ENPP2: variants seen among roughly 807,000 people sequenced by gnomAD.
ENPP2 encodes the protein autotaxin.
Under a neutral mutation model 120.2 loss-of-function variants are expected in ENPP2, and 51 were observed. The ratio of observed to expected loss-of-function variants is 0.42; its 90% CI spans 0.34 to 0.54. The LOEUF (loss-of-function observed/expected upper bound fraction) is 0.54. Among genes scored for constraint, ENPP2 ranks in the 20% least tolerant of loss-of-function variants. The probability of loss-of-function intolerance (pLI) is 0.04; values close to 1 mark genes in which losing one functional copy is unlikely to be tolerated. For missense variants in ENPP2, 920 were observed against 1,066.5 expected, an observed-to-expected ratio of 0.86 and a Z score of 1.91; for synonymous variants, 365 against 366.4, an observed-to-expected ratio of 1.00 and a Z score of 0.04.
intron 1 of ENPP2, among the ~76,000 whole-genome samples, chr8:119,659,152 A>C (rs1817847348): frequency 6.6e-6 from 1 of 151,362 alleles, no homozygotes; most frequent in African/African-American, 2.4e-5. Flanking sequence ...CCATCTCTAC[A>C]AAAAAAACAC....
chr8:119,664,611 T>A (rs1208477316), intron 1 of ENPP2, among the ~76,000 whole-genome samples: 3 of 152,174 alleles, frequency 2.0e-5, no homozygotes, highest in Admixed American at 2.0e-4. Context: ...TGTGGGTTAG[T>A]TAACTCCATA....
intron 2 of ENPP2, among the ~76,000 whole-genome samples, chr8:119,628,188 C>G (rs1481233821): frequency 6.6e-6 from 1 of 151,910 alleles, no homozygotes; most frequent in Admixed American, 6.6e-5. Flanking sequence ...GGATGGGAGC[C>G]AATCAGTAAG....
intron 2 of ENPP2, among the ~76,000 whole-genome samples, chr8:119,634,211 C>CATAT (rs1816861878): frequency 6.6e-6 from 1 of 151,584 alleles, no homozygotes; most frequent in East Asian, 1.9e-4. Context: ...TACATACATA[C>CATAT]ATACATACAT....
In ENPP2 at chr8:119,586,286, G is replaced by C. The variant is rs200238911; in HGVS notation, c.1267C>G (p.Pro423Ala). The C allele has an allele frequency of 3.8e-5, 62 of 1,613,876 alleles. No homozygotes were observed. The African/African-American group carries it at 6.5e-4, about 17-fold the overall frequency. ...TCKKPDQHFKPYLKQHLPKRL... is the reference protein window; with the variant it reads ...TCKKPDQHFKAYLKQHLPKRL... ...TTGGGAAGGTGCTGTTTCAAGTAAG[G>C]CTTAAAGTGCTGATCTGGTTTTTTA... The change falls in exon 15 of 25, where the codon CCT (proline) becomes GCT (alanine). Residue 423 changes from proline (P) to alanine (A), a missense_variant. Transcript: ENST00000075322.
chr8:119,595,898 T>C (rs756298437), intron 11 of ENPP2: 1 of 1,614,114 alleles, frequency 6.2e-7, no homozygotes, highest in Non-Finnish European at 8.5e-7. Context: ...GTATTTTTCT[T>C]CTTCTTTTCT....
chr8:119,642,817 T>G (rs1164475174), upstream of ENPP2, among the ~76,000 whole-genome samples: 1 of 152,190 alleles, frequency 6.6e-6, no homozygotes, highest in Admixed American at 6.5e-5. Context: ...TTCATGAAAT[T>G]ATTCTATGCG....
rs367992382 is a variant in ENPP2, at chr8:119,601,450, G to A, written c.846C>T (p.His282=). 1.6e-5 allele frequency: 25 copies of A among 1,612,610 alleles called. No individual in the cohort carries two copies. Among genetic ancestry groups the A allele is most frequent in the Middle Eastern group, 1.6e-4 (1 of 6,078 alleles). ...GCAATATGGTTAATATTCTCCGCTC[G>A]TGAGGGATGACACTGGAGGGTAAAA... ...GTFFWSVVIP[H]ERRILTILQW... Residue 282 remains histidine, a synonymous_variant, in exon 10 of 25, where the codon CAC becomes CAT. Coordinates refer to ENST00000075322, the MANE Select transcript of ENPP2 (RefSeq NM_001040092.3).
intron 12 of ENPP2, chr8:119,592,940 T>C: frequency 1.0e-6 from 1 of 967,628 alleles, no homozygotes; most frequent in Non-Finnish European, 1.2e-6. Context: ...TTAACAGAAC[T>C]GCCAAAGAGT....
chr8:119,607,126 T>G (rs1314633728), intron 9 of ENPP2, among the ~76,000 whole-genome samples: 1 of 152,320 alleles, frequency 6.6e-6, no homozygotes, highest in East Asian at 1.9e-4. Flanking sequence ...CTTGGTCTCC[T>G]GTCTGGAACT....
Position 119,601,411 on chromosome 8 carries a change from C to G in ENPP2, c.885G>C (p.Leu295=). The change falls in exon 10 of 25, where the codon CTG becomes CTC. Residue 295 remains leucine, a synonymous_variant. Coordinates refer to ENST00000075322, the MANE Select transcript of ENPP2 (RefSeq NM_001040092.3). ...GAAATAAATACCTCTCATGATCTGG[C>G]AGGGTGAGCCACTGCAATATGGTTA... ...RILTILQWLT[L]PDHERPSVYA... 6.2e-7 allele frequency: 1 copy of G among 1,606,610 alleles called. No individual in the cohort carries two copies. The highest frequency in any genetic ancestry group is 8.5e-7 in the Non-Finnish European group (1 of 1,173,288).
chr8:119,655,900 G>T (rs1817755065), intron 1 of ENPP2, among the ~76,000 whole-genome samples: 1 of 152,188 alleles, frequency 6.6e-6, no homozygotes. Flanking sequence ...ACTATTAAAA[G>T]AAACTCCTCC....
intron 2 of ENPP2, 116 bp from the exon 3 acceptor site, chr8:119,626,836 G>T: frequency 1.1e-6 from 1 of 913,698 alleles, no homozygotes; most frequent in Non-Finnish European, 1.7e-6. Context: ...GGAGAACACT[G>T]GCTCCATTAC....
chr8:119,579,811 C>G (rs1812602683), intron 19 of ENPP2, among the ~76,000 whole-genome samples: 1 of 152,002 alleles, frequency 6.6e-6, no homozygotes, highest in South Asian at 2.1e-4. Flanking sequence ...ACTATCATTC[C>G]CTTTATAGGA....
chr8:119,665,721 T>C (rs1818049352), intron 1 of ENPP2, among the ~76,000 whole-genome samples: 1 of 152,208 alleles, frequency 6.6e-6, no homozygotes, highest in South Asian at 2.1e-4. Context: ...AAATCTCATA[T>C]GTAATTGATA....
At chr8:119,596,301 T>A (rs1169934870) in intron 11 of ENPP2, among the ~76,000 whole-genome samples, 2 of 152,216 alleles carry the variant, frequency 1.3e-5, no homozygotes, top group African/African-American at 4.8e-5. Context: ...GAAGGTGGCA[T>A]TAGACAAGCT....
At chr8:119,572,306 G>C (rs1366893318) in intron 19 of ENPP2, 12 of 1,285,802 alleles carry the variant, frequency 9.3e-6, no homozygotes, top group Middle Eastern at 1.8e-4. Context: ...CATCATTTAA[G>C]TTTTCATGGT....
At chr8:119,654,617 T>C (rs891164216) in intron 1 of ENPP2, among the ~76,000 whole-genome samples, 1 of 151,640 alleles carries the variant, frequency 6.6e-6, no homozygotes, top group Non-Finnish European at 1.5e-5. Context: ...AGTGCTGGAA[T>C]AACAGGCATG....
rs574663056 is a variant in ENPP2, at chr8:119,567,395, C to T, written c.2131+780G>A. 1.5e-3 allele frequency among the ~76,000 whole-genome samples: 232 copies of T among 152,254 alleles called. 2 individuals are homozygous for T. The highest frequency in any genetic ancestry group is 4.3e-3 in the African/African-American group (178 of 41,534). The stretch of plus-strand genomic sequence containing the variant: ...ATCCATATAAACCTTAGAGGTCATG[C>T]AATCATATCTCTTAATTTCACAAAT... On this transcript the variant is annotated intron_variant, in intron 22 of 24. Coordinates refer to ENST00000075322, the MANE Select transcript of ENPP2 (RefSeq NM_001040092.3).
intron 8 of ENPP2, among the ~76,000 whole-genome samples, chr8:119,615,170 T>C (rs906933208): frequency 2.0e-5 from 3 of 152,104 alleles, no homozygotes; most frequent in Admixed American, 6.6e-5. Context: ...GGTGGATACA[T>C]GGATGTGTGC....
Sources: gnomAD v4.1 joint callset for allele counts (sites outside exome capture counted in the v4.1 genomes callset) on GRCh38, gnomAD v4.1.1 for gene constraint, MANE v1.5 for transcripts, NCBI Gene and HGNC (gene_info 2026-07-23, HGNC 2026-07-21) for gene names.